Variants in NKAIN2 observed in about 807,000 individuals in gnomAD.
The protein encoded by NKAIN2 is sodium/potassium-transporting ATPase subunit beta-1-interacting protein 2.
NKAIN2 carries 14 observed loss-of-function variants against 32.6 expected under a neutral mutation model. The ratio of observed to expected loss-of-function variants is 0.43; its 90% CI spans 0.28 to 0.67. The LOEUF (loss-of-function observed/expected upper bound fraction) is 0.67. Among genes scored for constraint, NKAIN2 ranks in the 30% least tolerant of loss-of-function variants. The pLI, the probability that NKAIN2 is intolerant of heterozygous loss-of-function variation, is 0.17. For missense variants in NKAIN2, 198 were observed against 258.3 expected, an observed-to-expected ratio of 0.77 and a Z score of 1.60; for synonymous variants, 80 against 87.2, an observed-to-expected ratio of 0.92 and a Z score of 0.46.
intron 3 of NKAIN2, among the ~76,000 whole-genome samples, chr6:124,495,021 T>C (rs1366577598): frequency 6.6e-6 from 1 of 152,140 alleles, no homozygotes; most frequent in African/African-American, 2.4e-5. Flanking sequence ...AATTCTATGC[T>C]TTATGATAAT....
intron 2 of NKAIN2, among the ~76,000 whole-genome samples, chr6:124,331,994 A>T (rs2753179): frequency 0.64 from 96,774 of 151,870 alleles, 30,964 homozygotes; most frequent in African/African-American, 0.7. Flanking sequence ...GAATTAGTAA[A>T]TTTGGCCCTA....
At chr6:124,379,234 A>AGG (rs1583157781) in intron 3 of NKAIN2, among the ~76,000 whole-genome samples, 1 of 10,592 alleles carries the variant, frequency 9.4e-5, no homozygotes. Context: ...AGAGGGGAGG[A>AGG]AGGAGAGAAG....
At chr6:124,341,983 A>G (rs1193581536) in intron 2 of NKAIN2, among the ~76,000 whole-genome samples, 1 of 152,242 alleles carries the variant, frequency 6.6e-6, no homozygotes, top group African/African-American at 2.4e-5. Flanking sequence ...CCTAAACATT[A>G]AATGCTACTG....
intron 1 of NKAIN2, among the ~76,000 whole-genome samples, chr6:124,035,837 G>A (rs940873449): frequency 6.6e-6 from 1 of 152,102 alleles, no homozygotes; most frequent in Admixed American, 6.6e-5. Context: ...CCTTAGTACT[G>A]CTTATGAGTT....
intron 1 of NKAIN2, among the ~76,000 whole-genome samples, chr6:123,856,688 T>A (rs893305935): frequency 2.6e-5 from 4 of 152,158 alleles, no homozygotes; most frequent in African/African-American, 9.7e-5. Flanking sequence ...ACCACCTATA[T>A]CTGTGACACC....
rs1035994393 is a variant in NKAIN2 at position 124,439,353 on chromosome 6, T to C, written c.273+84006T>C. Among the ~76,000 whole-genome samples, 19 of 133,650 alleles carry C rather than the reference T, an allele frequency of 1.4e-4. 1 individual carries two copies. The highest frequency in any genetic ancestry group is 4.5e-4 in the South Asian group (2 of 4,410). The allele number at this position is 133,650 out of a possible 152,430, so 87.7% of individuals were successfully genotyped here. A position where few individuals can be genotyped will look rare whatever the true frequency, so the allele number is the denominator to read the frequency against. ...CTCTCAAATCTCTCAATCTATCCAC[T>C]TGTTGTTTTTTTTTTTTATCTCCAT... is the stretch of plus-strand genomic sequence containing the variant. On this transcript the variant is annotated intron_variant, in intron 3 of 6. Coordinates refer to ENST00000368417, the MANE Select transcript of NKAIN2 (RefSeq NM_001040214.3).
chr6:124,361,009 T>C (rs1799264458), intron 3 of NKAIN2, among the ~76,000 whole-genome samples: 1 of 152,130 alleles, frequency 6.6e-6, no homozygotes. Flanking sequence ...GTTCCCTTGA[T>C]CATATATCAA....
chr6:123,988,213 T>C (rs573804235), intron 1 of NKAIN2, among the ~76,000 whole-genome samples: 9 of 152,334 alleles, frequency 5.9e-5, no homozygotes, highest in African/African-American at 1.9e-4. Context: ...GACTTTTGTG[T>C]CTGGGAAAGA....
At chr6:124,815,578 T>G (rs1582573970) in intron 5 of NKAIN2, among the ~76,000 whole-genome samples, 1 of 150,978 alleles carries the variant, frequency 6.6e-6, no homozygotes, top group Non-Finnish European at 1.5e-5. Context: ...CCAATAATTT[T>G]TTTAAGTGCA....
intron 3 of NKAIN2, among the ~76,000 whole-genome samples, chr6:124,470,951 G>A: frequency 6.6e-6 from 1 of 151,442 alleles, no homozygotes; most frequent in East Asian, 1.9e-4. Context: ...CTGGTTCTCA[G>A]TCAGTTTTGT....
chr6:124,026,552 G>C (rs1448248264), intron 1 of NKAIN2, among the ~76,000 whole-genome samples: 4 of 152,160 alleles, frequency 2.6e-5, no homozygotes, highest in Non-Finnish European at 5.9e-5. Flanking sequence ...ATAAAGGGAT[G>C]ACAAATCTGG....
intron 1 of NKAIN2, among the ~76,000 whole-genome samples, chr6:123,805,049 T>C (rs1264657481): frequency 6.6e-6 from 1 of 152,150 alleles, no homozygotes; most frequent in African/African-American, 2.4e-5. Context: ...AAGGAACCAA[T>C]AATGGAAAAC....
intron 1 of NKAIN2, among the ~76,000 whole-genome samples, chr6:124,096,080 G>A (rs1416273676): frequency 6.6e-6 from 1 of 152,116 alleles, no homozygotes; most frequent in Non-Finnish European, 1.5e-5. Context: ...CTAATGAAGT[G>A]AATAATAGTT....
chr6:123,933,076 C>A (rs1776330310), intron 1 of NKAIN2, among the ~76,000 whole-genome samples: 1 of 152,182 alleles, frequency 6.6e-6, no homozygotes, highest in Admixed American at 6.5e-5. Context: ...TCGCAATTAT[C>A]TGTCAGGGCC....
chr6:124,758,421 G>A (rs1438672185), intron 4 of NKAIN2, among the ~76,000 whole-genome samples: 1 of 152,178 alleles, frequency 6.6e-6, no homozygotes. Flanking sequence ...GAGCCAGGAA[G>A]AGGACCCCAC....
intron 1 of NKAIN2, among the ~76,000 whole-genome samples, chr6:124,140,959 A>C (rs1007192632): frequency 6.6e-6 from 1 of 152,200 alleles, no homozygotes; most frequent in Non-Finnish European, 1.5e-5. Context: ...AAAACTATGG[A>C]GTTCAACTTG....
chr6:123,996,148 TA>T (rs1001174008), intron 1 of NKAIN2, among the ~76,000 whole-genome samples: 1 of 152,142 alleles, frequency 6.6e-6, no homozygotes, highest in Non-Finnish European at 1.5e-5. Flanking sequence ...TGCTTTTTAT[TA>T]AAAAGTCAGT....
intron 4 of NKAIN2, among the ~76,000 whole-genome samples, chr6:124,692,835 T>C (rs1187707057): frequency 6.6e-6 from 1 of 151,942 alleles, no homozygotes; most frequent in Non-Finnish European, 1.5e-5. Flanking sequence ...AAAAAATATA[T>C]GTAACATGAA....
At chr6:123,912,786 T>C (rs1436432761) in intron 1 of NKAIN2, among the ~76,000 whole-genome samples, 1 of 152,210 alleles carries the variant, frequency 6.6e-6, no homozygotes, top group Non-Finnish European at 1.5e-5. Flanking sequence ...AATAAATCCC[T>C]TTTTTAAATA....
Sources: allele counts gnomAD v4.1 joint callset (sites outside exome capture counted in the v4.1 genomes callset), GRCh38; gene constraint gnomAD v4.1.1; transcripts MANE v1.5; gene names NCBI Gene and HGNC (gene_info 2026-07-23, HGNC 2026-07-21).